The following DLC1 variants were observed in gnomAD, a reference collection of about 807,000 sequenced individuals.
The protein encoded by DLC1 is DLC1 Rho GTPase activating protein, also known as rho GTPase-activating protein 7.
In DLC1, 54 loss-of-function variants were observed where a neutral mutation model predicts 140.3. The ratio of observed to expected loss-of-function variants is 0.38; its 90% CI spans 0.31 to 0.48. The LOEUF (loss-of-function observed/expected upper bound fraction) is 0.48, where lower values mean the gene tolerates loss of function less well. DLC1 is among the 20% of genes least tolerant of loss of function. The probability of loss-of-function intolerance (pLI) is 0.96; values close to 1 mark genes in which losing one functional copy is unlikely to be tolerated. For missense variants in DLC1, 2,536 were observed against 1,907.0 expected, an observed-to-expected ratio of 1.33 and a Z score of -6.14; for synonymous variants, 986 against 728.1, an observed-to-expected ratio of 1.35 and a Z score of -5.70.
chr8:13,401,367 T>C (rs1837288296), intron 3 of DLC1, 103 bp downstream of exon 3: 4 of 1,433,550 alleles, frequency 2.8e-6, no homozygotes, highest in Non-Finnish European at 2.8e-6. Flanking sequence ...GGGTTACATG[T>C]TGTTAGATGC....
chr8:13,158,870 G>A (rs67035513), intron 5 of DLC1, among the ~76,000 whole-genome samples: 66,239 of 151,196 alleles, frequency 0.44, 14,631 homozygotes, highest in South Asian at 0.48. Flanking sequence ...CAAATCCAGG[G>A]TCCCCTGGTA....
At chr8:13,109,562 A>C (rs968404537) in intron 7 of DLC1, among the ~76,000 whole-genome samples, 3 of 147,428 alleles carry the variant, frequency 2.0e-5, no homozygotes, top group Non-Finnish European at 3.0e-5. Context: ...GTCTTTAAAA[A>C]TAAAAAAAAA....
At chr8:13,459,188 T>G (rs926152584) in intron 2 of DLC1, among the ~76,000 whole-genome samples, 2 of 152,206 alleles carry the variant, frequency 1.3e-5, no homozygotes, top group Non-Finnish European at 1.5e-5. Context: ...GTTCCTTTTT[T>G]TCTTAATCTC....
chr8:13,177,044 C>G (rs897924491), intron 5 of DLC1, among the ~76,000 whole-genome samples: 2 of 152,116 alleles, frequency 1.3e-5, no homozygotes, highest in African/African-American at 4.8e-5. Flanking sequence ...ACTATCTAAT[C>G]ATAGGTTTCT....
At chr8:13,490,620 G>T (rs1437045938) in intron 2 of DLC1, among the ~76,000 whole-genome samples, 2 of 152,138 alleles carry the variant, frequency 1.3e-5, no homozygotes, top group Non-Finnish European at 2.9e-5. Context: ...ATGGTTGTTT[G>T]TTGGTATTAA....
chr8:13,141,771 C>G lies in DLC1; in HGVS notation c.1349-26114G>C, dbSNP rs1017318703. On this transcript the variant is annotated intron_variant, in intron 5 of 17. Coordinates refer to ENST00000276297, the MANE Select transcript of DLC1 (RefSeq NM_182643.3). ...GAGAATGGAGCTGCCGTCTATCTTC[C>G]AAGATTGGCTTTTCATGTGTAACTA... is the stretch of plus-strand genomic sequence containing the variant. Among the ~76,000 whole-genome samples the G allele has an allele frequency of 2.0e-5, 3 of 152,168 alleles. No homozygotes were observed. In the South Asian group the frequency reaches 6.2e-4, roughly 32 times the overall value.
chr8:13,450,743 T>C (rs75214481), intron 2 of DLC1, among the ~76,000 whole-genome samples: 5,597 of 151,908 alleles, frequency 0.037, 180 homozygotes, highest in Non-Finnish European at 0.043. Flanking sequence ...GTCATCCCAA[T>C]GAAAATAAAG....
intron 1 of DLC1, among the ~76,000 whole-genome samples, chr8:13,513,752 A>C (rs1203818317): frequency 2.0e-5 from 3 of 152,146 alleles, no homozygotes; most frequent in African/African-American, 7.2e-5. Flanking sequence ...CCTTGAAGAG[A>C]CTACAGTCAG....
intron 2 of DLC1, among the ~76,000 whole-genome samples, chr8:13,488,366 G>C (rs1478676224): frequency 6.6e-6 from 1 of 152,084 alleles, no homozygotes; most frequent in Non-Finnish European, 1.5e-5. Context: ...ATACTAGCTA[G>C]GGAGCAAATT....
intron 5 of DLC1, among the ~76,000 whole-genome samples, chr8:13,172,982 G>C (rs1825567363): frequency 6.6e-6 from 1 of 152,150 alleles, no homozygotes; most frequent in African/African-American, 2.4e-5. Flanking sequence ...TGTATAAAAT[G>C]TTTTCTTTTC....
intron 1 of DLC1, among the ~76,000 whole-genome samples, chr8:13,586,626 C>CACACACACA (rs1805327799): frequency 1.4e-5 from 2 of 144,580 alleles, no homozygotes; most frequent in Non-Finnish European, 1.5e-5. Context: ...CACACACACA[C>CACACACACA]CTGCATGTAA....
In DLC1 at chr8:13,207,602, T is replaced by C. The variant is rs535286709; in HGVS notation, c.1349-91945A>G. On this transcript the variant is annotated intron_variant, in intron 5 of 17. Transcript: ENST00000276297. Reference sequence around the variant, plus strand: ...AGAAACTCAACCTTAAAAATAGACATTTTTTCATGGTTGCTTTACACCATA... The same window carrying C: ...AGAAACTCAACCTTAAAAATAGACACTTTTTCATGGTTGCTTTACACCATA... Among the ~76,000 whole-genome samples the C allele has an allele frequency of 3.3e-5, 5 of 152,016 alleles. No homozygotes were observed. In the South Asian group the frequency reaches 1.0e-3, roughly 32 times the overall value.
At chr8:13,366,270 G>A (rs796608822) in intron 4 of DLC1, among the ~76,000 whole-genome samples, 9 of 152,270 alleles carry the variant, frequency 5.9e-5, no homozygotes, top group African/African-American at 1.9e-4. Context: ...TCTGCTTTCT[G>A]GATTGTAATC....
At chr8:13,450,250 T>G (rs1218853991) in intron 2 of DLC1, among the ~76,000 whole-genome samples, 1 of 150,080 alleles carries the variant, frequency 6.7e-6, no homozygotes, top group Non-Finnish European at 1.5e-5. Context: ...AGGTCAGGAG[T>G]TCGAGACCAG....
intron 5 of DLC1, among the ~76,000 whole-genome samples, chr8:13,271,352 G>A (rs1167527595): frequency 6.6e-6 from 1 of 152,204 alleles, no homozygotes; most frequent in Non-Finnish European, 1.5e-5. Flanking sequence ...GTTCACAGGA[G>A]TCAATGTTTT....
At chr8:13,453,742 A>G (rs947933043) in intron 2 of DLC1, among the ~76,000 whole-genome samples, 2 of 150,852 alleles carry the variant, frequency 1.3e-5, no homozygotes, top group South Asian at 2.1e-4. Context: ...TTGAAACTCA[A>G]TAGTACTTTG....
At chr8:13,433,836 TTTTG>T (rs531558633) in intron 2 of DLC1, among the ~76,000 whole-genome samples, 38 of 152,270 alleles carry the variant, frequency 2.5e-4, no homozygotes, top group Non-Finnish European at 4.4e-4. Context: ...GGAATCATAT[TTTTG>T]TTTGTTTGTT....
chr8:13,394,491 C>T lies in DLC1; in HGVS notation c.1174-798G>A, dbSNP rs186745142. On this transcript the variant is annotated intron_variant, in intron 3 of 17. Transcript: ENST00000276297. ...TACCTGGTAACCTCTGCAAAGGCTG[C>T]GCATTTAATATATCATATGCTTTCT... is the stretch of plus-strand genomic sequence containing the variant. Among the ~76,000 whole-genome samples, 776 of 150,634 alleles carry T rather than the reference C, an allele frequency of 5.2e-3. 5 individuals carry two copies. Among genetic ancestry groups the T allele is most frequent in the African/African-American group, 0.018 (723 of 40,080 alleles).
intron 2 of DLC1, among the ~76,000 whole-genome samples, chr8:13,464,166 T>A (rs1799813984): frequency 1.3e-5 from 2 of 152,176 alleles, no homozygotes; most frequent in African/African-American, 4.8e-5. Flanking sequence ...CTGGGCTTTT[T>A]AGGCAGATGG....
Sources: allele counts gnomAD v4.1 joint callset (sites outside exome capture counted in the v4.1 genomes callset), GRCh38; gene constraint gnomAD v4.1.1; transcripts MANE v1.5; gene names NCBI Gene and HGNC (gene_info 2026-07-23, HGNC 2026-07-21).